SLC2A9: variants seen among roughly 807,000 people sequenced by gnomAD.
SLC2A9 encodes solute carrier family 2 member 9, also known as solute carrier family 2, facilitated glucose transporter member 9.
Under a neutral mutation model 50.6 loss-of-function variants are expected in SLC2A9, and 39 were observed. The ratio of observed to expected loss-of-function variants is 0.77; its 90% confidence interval spans 0.60 to 1.01. The LOEUF (loss-of-function observed/expected upper bound fraction) is 1.01. Ranked by LOEUF, SLC2A9 falls within the 50% of genes least tolerant of loss-of-function variation. SLC2A9 has a pLI of 0.00. For missense variants in SLC2A9, 686 were observed against 677.6 expected (o/e 1.01, Z -0.14); for synonymous variants, 324 against 276.9 (o/e 1.17, Z -1.69).
intron 2 of SLC2A9, among the ~76,000 whole-genome samples, chr4:10,003,810 A>T (rs982933548): frequency 1.3e-5 from 2 of 152,226 alleles, no homozygotes; most frequent in African/African-American, 4.8e-5. Context: ...GCTGTGTGGC[A>T]GTAACCATAT....
chr4:9,893,143 C>T (rs1209613402), intron 8 of SLC2A9, among the ~76,000 whole-genome samples: 1 of 152,078 alleles, frequency 6.6e-6, no homozygotes, highest in African/African-American at 2.4e-5. Context: ...TCAATGCCAC[C>T]ACTTGGTAAC....
At chr4:9,816,422 T>C (rs1216709629) in intron 3 of SLC2A9, among the ~76,000 whole-genome samples, 2 of 152,012 alleles carry the variant, frequency 1.3e-5, no homozygotes, top group Non-Finnish European at 2.9e-5. Flanking sequence ...GGGTACAAAG[T>C]TTCAGTTATG....
chr4:9,928,077 G>C (rs891982270), intron 6 of SLC2A9, among the ~76,000 whole-genome samples: 2 of 152,074 alleles, frequency 1.3e-5, no homozygotes, highest in South Asian at 4.1e-4. Context: ...AGGAGTTCGA[G>C]GCCAGCCTCA....
intron 3 of SLC2A9, among the ~76,000 whole-genome samples, chr4:9,809,318 G>A (rs1235438806): frequency 1.3e-5 from 2 of 152,174 alleles, no homozygotes; most frequent in Admixed American, 6.5e-5. Context: ...TTGGTTGCTT[G>A]GGGTCATGGG....
chr4:9,888,160 C>T (rs1240376911), intron 9 of SLC2A9, among the ~76,000 whole-genome samples: 6 of 151,338 alleles, frequency 4.0e-5, no homozygotes, highest in Admixed American at 1.3e-4. Context: ...GGAGAAACAC[C>T]TAATGTAGAT....
intron 10 of SLC2A9, among the ~76,000 whole-genome samples, chr4:9,861,324 C>T (rs546876494): frequency 1.3e-5 from 2 of 151,846 alleles, no homozygotes; most frequent in South Asian, 2.1e-4. Flanking sequence ...GGGATCTCAT[C>T]GTTTAAAATG....
intron 5 of SLC2A9, among the ~76,000 whole-genome samples, chr4:9,973,765 G>A (rs543729367): frequency 6.6e-6 from 1 of 150,870 alleles, no homozygotes; most frequent in African/African-American, 2.4e-5. Context: ...AATGTTAAAT[G>A]ACAAGTTAAT....
At chr4:9,850,825 C>T (rs989754515) in intron 10 of SLC2A9, among the ~76,000 whole-genome samples, 6 of 152,136 alleles carry the variant, frequency 3.9e-5, no homozygotes, top group Non-Finnish European at 7.4e-5. Context: ...CTGGCATGTG[C>T]GTACCCTGCT....
rs541693929 is a variant in SLC2A9 at position 9,974,087 on chromosome 4, C to T, written c.681+6505G>A. ...AAATGTTTTGATAAAATCCAACAAG[C>T]CTTAATGATAAAACCTCTCAAGAAA... On this transcript the variant is annotated intron_variant, in intron 5 of 11. Transcript: ENST00000264784. Among the ~76,000 whole-genome samples the T allele has an allele frequency of 8.5e-5, 13 of 152,186 alleles. No homozygotes were observed. In the South Asian group the frequency reaches 2.7e-3, roughly 32 times the overall value.
rs140816848 is a variant in SLC2A9, at chr4:9,847,896, G to C, written c.1292-12888C>G. ...GAAGATCAAATTATCAGGAGTCACT[G>C]GTCTGAACTGAAAGAGCAAAGGAAT... On this transcript the variant is annotated intron_variant, in intron 10 of 11. Transcript: ENST00000264784. 2.6e-5 allele frequency among the ~76,000 whole-genome samples: 4 copies of C among 152,294 alleles called. No homozygotes were observed. The East Asian group carries it at 7.7e-4, about 29-fold the overall frequency.
chr4:10,038,829 G>A lies in SLC2A9; in HGVS notation c.-41+1301C>T, dbSNP rs573789107. Among the ~76,000 whole-genome samples the A allele has an allele frequency of 2.9e-4, 44 of 152,284 alleles. No individual in the cohort carries two copies. The South Asian group carries it at 8.5e-3, about 29-fold the overall frequency. Reference sequence around the variant, plus strand: ...AGGGCTTTTAGGCAAAGAGCACCAAGGTCCCTCAGTCACTGTCAAACACTC... The same window carrying A: ...AGGGCTTTTAGGCAAAGAGCACCAAAGTCCCTCAGTCACTGTCAAACACTC... On this transcript the variant is annotated intron_variant, in intron 1 of 12. Coordinates refer to the SLC2A9 transcript ENST00000309065.
chr4:9,782,792 C>A, intron 3 of SLC2A9: 2 of 1,613,926 alleles, frequency 1.2e-6, no homozygotes, highest in African/African-American at 1.3e-5. Context: ...CGCCCAGGTG[C>A]AGATCCGCAG....
chr4:10,039,264 C>A (rs1228756934), intron 1 of SLC2A9, among the ~76,000 whole-genome samples: 1 of 152,208 alleles, frequency 6.6e-6, no homozygotes. Context: ...CAGTGGAGCA[C>A]CCTCATGCAC....
chr4:9,779,087 C>T (rs766467982), downstream of SLC2A9, among the ~76,000 whole-genome samples: 11 of 152,066 alleles, frequency 7.2e-5, no homozygotes, highest in South Asian at 2.1e-4. Context: ...ACTTTCTAAA[C>T]GACTATTATT....
At chr4:9,990,609 G>A (rs1484359600) in intron 3 of SLC2A9, among the ~76,000 whole-genome samples, 1 of 152,118 alleles carries the variant, frequency 6.6e-6, no homozygotes, top group Non-Finnish European at 1.5e-5. Context: ...TGCTTTCCCG[G>A]CTCATGCGTC....
chr4:9,807,475 G>T (rs1722277674), intron 3 of SLC2A9, among the ~76,000 whole-genome samples: 1 of 152,182 alleles, frequency 6.6e-6, no homozygotes, highest in Non-Finnish European at 1.5e-5. Flanking sequence ...GTTGAGACTT[G>T]CCACAGACTC....
intron 7 of SLC2A9, 132 bp downstream of exon 7, chr4:9,920,253 C>T: frequency 1.1e-6 from 1 of 918,906 alleles, no homozygotes; most frequent in Non-Finnish European, 1.7e-6. Context: ...ACATGGTTAC[C>T]TAACAGCATA....
At position 9,844,148 on chromosome 4, in the gene SLC2A9, GTAAAAAAAAAATAATAA is replaced by G. The variant is rs1160570906; in HGVS notation, c.1292-9157_1292-9141del. On this transcript the variant is annotated intron_variant, in intron 10 of 11. Transcript: ENST00000264784. ...AAACTTGGTGGAAGAGCCAGATTTA[GTAAAAAAAAAATAATAA>G]TAAAAAAAAAAAAAAGTCCTTCTGA... Among the ~76,000 whole-genome samples, 3 of 26,932 alleles carry G rather than the reference GTAAAAAAAAAATAATAA, an allele frequency of 1.1e-4. 1 individual carries two copies. The highest frequency in any genetic ancestry group is 2.3e-4 in the Non-Finnish European group (3 of 13,122). The allele number at this position is 26,932 out of a possible 152,430, so 17.7% of individuals were successfully genotyped here.
intron 4 of SLC2A9, among the ~76,000 whole-genome samples, chr4:9,984,873 GCA>G (rs919745002): frequency 1.3e-5 from 2 of 152,128 alleles, no homozygotes; most frequent in African/African-American, 4.8e-5. Flanking sequence ...CTCGGCACAG[GCA>G]CACAGTCCTC....
Sources: gnomAD v4.1 joint callset for allele counts (sites outside exome capture counted in the v4.1 genomes callset) on GRCh38, gnomAD v4.1.1 for gene constraint, MANE v1.5 for transcripts, NCBI Gene and HGNC (gene_info 2026-07-23, HGNC 2026-07-21) for gene names.